Variants in ANKS1B observed in about 807,000 individuals in gnomAD.
ANKS1B encodes the protein ankyrin repeat and sterile alpha motif domain-containing protein 1B.
Under a neutral mutation model 148.3 loss-of-function variants are expected in ANKS1B, and 36 were observed. The observed-to-expected ratio is 0.24, with a 90% CI of 0.19 to 0.32. The LOEUF is 0.32. Among genes scored for constraint, ANKS1B ranks in the 10% least tolerant of loss-of-function variants. ANKS1B has a pLI of 1.00. For missense variants in ANKS1B, 1,157 were observed against 1,542.6 expected, an observed-to-expected ratio of 0.75 and a Z score of 4.19; for synonymous variants, 542 against 560.8, an observed-to-expected ratio of 0.97 and a Z score of 0.47.
intron 9 of ANKS1B, among the ~76,000 whole-genome samples, chr12:99,559,938 TA>T: frequency 6.6e-6 from 1 of 152,318 alleles, no homozygotes; most frequent in Non-Finnish European, 1.5e-5. Flanking sequence ...GAATTAAAAG[TA>T]AGACCTAAAA....
intron 12 of ANKS1B, among the ~76,000 whole-genome samples, chr12:99,330,513 T>C (rs116380149): frequency 0.02 from 3,027 of 152,110 alleles, 96 homozygotes; most frequent in African/African-American, 0.069. Flanking sequence ...GATTGTTCTA[T>C]AAAACAAATA....
intron 17 of ANKS1B, among the ~76,000 whole-genome samples, chr12:98,940,542 C>G (rs2099835107): frequency 6.6e-6 from 1 of 152,174 alleles, no homozygotes; most frequent in Admixed American, 6.5e-5. Context: ...GCTTCCTGTG[C>G]TTGTCTCTAC....
intron 17 of ANKS1B, among the ~76,000 whole-genome samples, chr12:98,956,587 T>C (rs1282606604): frequency 6.6e-6 from 1 of 151,134 alleles, no homozygotes; most frequent in Non-Finnish European, 1.5e-5. Flanking sequence ...GGCCAGATTA[T>C]ACTACCTGTA....
Position 98,832,141 on chromosome 12 carries a change from A to G in ANKS1B, c.2779-5T>C, listed in dbSNP as rs761347898. ...AATCAAATTGATTTTTAAAACCTGAAACAACATATATTTGGGTTAAATATT... is the reference window on the plus strand; with the variant it reads ...AATCAAATTGATTTTTAAAACCTGAGACAACATATATTTGGGTTAAATATT... On this transcript the variant is annotated splice_region_variant and splice_polypyrimidine_tract_variant and intron_variant, in intron 17 of 26. Coordinates refer to ENST00000683438, the MANE Select transcript of ANKS1B (RefSeq NM_001352186.2). The G allele has an allele frequency of 6.4e-7, 1 of 1,556,188 alleles. No homozygotes were observed. Among genetic ancestry groups the G allele is most frequent in the Non-Finnish European group, 8.7e-7 (1 of 1,146,762 alleles).
At chr12:99,139,748 T>C (rs1469116565) in intron 15 of ANKS1B, among the ~76,000 whole-genome samples, 2 of 152,014 alleles carry the variant, frequency 1.3e-5, no homozygotes, top group African/African-American at 4.8e-5. Context: ...TGCTGTACTA[T>C]GGCTCTTTGT....
At chr12:98,946,636 T>A (rs1482771807) in intron 17 of ANKS1B, among the ~76,000 whole-genome samples, 1 of 152,108 alleles carries the variant, frequency 6.6e-6, no homozygotes, top group Non-Finnish European at 1.5e-5. Flanking sequence ...AATAGGGTGG[T>A]CAGGTTTCAC....
chr12:98,751,391 G>A lies in ANKS1B; in HGVS notation c.3711C>T (p.Pro1237=), dbSNP rs1201335982. ...PESFENKPSK[P]IPKPRVSIRK... ...GAATGCTAACGCGGGGCTTGGGGAT[G>A]GGTTTGGAGGGTTTGTTTTCAAAGC... is the stretch of plus-strand genomic sequence containing the variant. Residue 1237 remains proline, a synonymous_variant, in exon 26 of 27, where the codon CCC becomes CCT. Transcript: ENST00000683438. This position sits in a 1 kb window ranked among gnomAD's most constrained non-coding sequence, Gnocchi z 4.3. 10 of 1,613,794 alleles carry A rather than the reference G, an allele frequency of 6.2e-6. No individual in the cohort carries two copies. The highest frequency in any genetic ancestry group is 5.3e-5 in the African/African-American group (4 of 74,926).
At chr12:98,815,990 T>C (rs1279855461) in intron 19 of ANKS1B, among the ~76,000 whole-genome samples, 1 of 152,042 alleles carries the variant, frequency 6.6e-6, no homozygotes. Context: ...ACCTGCAAGG[T>C]TCTCCGTTCT....
intron 9 of ANKS1B, among the ~76,000 whole-genome samples, chr12:99,632,744 TATATATATATATATATATATATA>T (rs1567522435): frequency 2.1e-4 from 21 of 100,662 alleles, no homozygotes; most frequent in South Asian, 7.3e-4. Flanking sequence ...TATATATATA[TATATATATATATATATATATATA>T]TTTTAATTAT....
chr12:99,160,260 T>C (rs1297196065), intron 14 of ANKS1B, among the ~76,000 whole-genome samples: 1 of 152,138 alleles, frequency 6.6e-6, no homozygotes, highest in Non-Finnish European at 1.5e-5. Flanking sequence ...TTGTTTTTGT[T>C]GCAATTGCTT....
At chr12:99,525,754 TTGAAA>T (rs2096920744) in intron 9 of ANKS1B, among the ~76,000 whole-genome samples, 1 of 152,130 alleles carries the variant, frequency 6.6e-6, no homozygotes, top group Non-Finnish European at 1.5e-5. Flanking sequence ...TATAATAATC[TTGAAA>T]TAAGAATAAC....
At chr12:99,715,466 C>T (rs1031621459) in intron 8 of ANKS1B, among the ~76,000 whole-genome samples, 30 of 152,304 alleles carry the variant, frequency 2.0e-4, no homozygotes, top group African/African-American at 5.8e-4. Context: ...TCTTATAAAA[C>T]GGCCCCACCC....
At chr12:99,462,742 G>A (rs141197582) in intron 10 of ANKS1B, among the ~76,000 whole-genome samples, 28 of 152,298 alleles carry the variant, frequency 1.8e-4, no homozygotes, top group Non-Finnish European at 3.7e-4. Flanking sequence ...TTGGAGATGG[G>A]CATACTGGGA....
intron 17 of ANKS1B, among the ~76,000 whole-genome samples, chr12:98,913,190 T>C (rs971125974): frequency 6.6e-6 from 1 of 152,210 alleles, no homozygotes; most frequent in African/African-American, 2.4e-5. Context: ...ATTTTCTCAT[T>C]AATTCATTCC....
chr12:99,354,690 T>A (rs957777516), intron 12 of ANKS1B, among the ~76,000 whole-genome samples: 1 of 151,956 alleles, frequency 6.6e-6, no homozygotes, highest in African/African-American at 2.4e-5. Context: ...ACCCATAATA[T>A]TAACATGGAT....
intron 8 of ANKS1B, among the ~76,000 whole-genome samples, chr12:99,693,962 G>C (rs768145735): frequency 2.6e-5 from 4 of 151,118 alleles, no homozygotes; most frequent in Non-Finnish European, 5.9e-5. Context: ...TGTATTTTTA[G>C]TAGAGACATG....
chr12:99,908,516 G>A (rs182293874), intron 1 of ANKS1B, among the ~76,000 whole-genome samples: 14 of 152,232 alleles, frequency 9.2e-5, no homozygotes, highest in Admixed American at 9.2e-4. Context: ...GGGAAGTCAA[G>A]GCTGAAGTGA....
chr12:99,332,541 T>C (rs143295666), intron 12 of ANKS1B, among the ~76,000 whole-genome samples: 226 of 151,984 alleles, frequency 1.5e-3, no homozygotes, highest in Non-Finnish European at 2.8e-3. Context: ...TAGGAAATAG[T>C]TAATGCAAAA....
chr12:99,666,860 GTGT>G (rs1567601224), intron 8 of ANKS1B, among the ~76,000 whole-genome samples: 24 of 87,284 alleles, frequency 2.7e-4, no homozygotes, highest in East Asian at 9.0e-4. Context: ...ACTATGGGGT[GTGT>G]GTGTGTGTGT....
Sources: allele counts gnomAD v4.1 joint callset (sites outside exome capture counted in the v4.1 genomes callset), GRCh38; gene constraint gnomAD v4.1.1; non-coding constraint Gnocchi (gnomAD v3.1); transcripts MANE v1.5; gene names NCBI Gene and HGNC (gene_info 2026-07-23, HGNC 2026-07-21).